DCP2: variants seen among roughly 807,000 people sequenced by gnomAD.
The protein encoded by DCP2 is decapping mRNA 2.
Under a neutral mutation model 56.1 loss-of-function variants are expected in DCP2, and 30 were observed. The ratio of observed to expected loss-of-function variants is 0.53; its 90% CI spans 0.40 to 0.73. The LOEUF is 0.73. Among genes scored for constraint, DCP2 ranks in the 30% least tolerant of loss-of-function variants. The pLI is 0.00. For synonymous variants in DCP2, 197 were observed against 163.3 expected (o/e 1.21, Z -1.57); for missense variants, 533 against 502.7 (o/e 1.06, Z -0.58).
rs1748264291 is a variant in DCP2, at chr5:112,985,957, A to G, written c.176A>G (p.Gln59Arg). The G allele has an allele frequency of 5.1e-6, 8 of 1,579,912 alleles. No individual in the cohort carries two copies. The highest frequency in any genetic ancestry group is 6.9e-6 in the Non-Finnish European group (8 of 1,154,336). Residue 59 changes from glutamine (Q) to arginine (R), a missense_variant, in exon 2 of 11, where the codon CAG becomes CGG. Gln to Arg is a conservative substitution (Grantham distance 43, BLOSUM62 1). Transcript: ENST00000389063. ...ATGCAGAACACACCAGGATTACCTC[A>G]GTGTGGGATAAGAGACTTTGCTAAA... ...FYMQNTPGLP[Q>R]CGIRDFAKAV... is the part of the protein sequence containing the mutation.
chr5:112,983,804 A>G (rs1323525914), intron 1 of DCP2, among the ~76,000 whole-genome samples: 1 of 152,256 alleles, frequency 6.6e-6, no homozygotes, highest in African/African-American at 2.4e-5. Flanking sequence ...GATCTTCTCA[A>G]TATCAAAATT....
At chr5:113,008,119 G>A in intron 9 of DCP2, 77 bp downstream of exon 9, 2 of 1,202,686 alleles carry the variant, frequency 1.7e-6, no homozygotes, top group South Asian at 1.4e-5. Context: ...CAAAGCACAG[G>A]AATGTTACTT....
rs754451997 is a variant in DCP2, at chr5:113,014,461, C to T, written c.*977C>T. 3 of 152,436 alleles carry T rather than the reference C, an allele frequency of 2.0e-5. No homozygotes were observed. Among genetic ancestry groups the T allele is most frequent in the Non-Finnish European group, 4.4e-5 (3 of 68,038 alleles). 9.4% of individuals were successfully genotyped at this position (152,436 alleles called of 1,614,324 possible). Reference sequence around the variant, plus strand: ...ACATGCTTTTATTGACCTGCTAAGCCCCTGGATGATGGAGCGAGAAGGGAA... The same window carrying T: ...ACATGCTTTTATTGACCTGCTAAGCTCCTGGATGATGGAGCGAGAAGGGAA... On this transcript the variant is annotated 3_prime_UTR_variant, in exon 11 of 11. Coordinates refer to ENST00000389063, the MANE Select transcript of DCP2 (RefSeq NM_152624.6).
chr5:112,996,239 C>G (rs376729072), intron 4 of DCP2, among the ~76,000 whole-genome samples: 1 of 152,162 alleles, frequency 6.6e-6, no homozygotes, highest in Non-Finnish European at 1.5e-5. Context: ...AGAAGCTGCA[C>G]GGCTTGACCG....
rs1645339244 is a variant in DCP2, at chr5:113,022,104, T to G, written c.*8620T>G. The G allele has an allele frequency of 6.6e-6, 1 of 152,396 alleles. No individual in the cohort carries two copies. The highest frequency in any genetic ancestry group is 2.1e-4 in the South Asian group (1 of 4,826). 9.4% of individuals were successfully genotyped at this position (152,396 alleles called of 1,614,324 possible). ...TTTAAATAACACAGTTAAGGTACAC[T>G]GTGGAATTAGAAATATTTATTCAGA... On this transcript the variant is annotated 3_prime_UTR_variant, in exon 11 of 11. Transcript: ENST00000389063.
At chr5:113,004,198 G>T in intron 8 of DCP2, 121 bp downstream of exon 8, 2 of 1,119,832 alleles carry the variant, frequency 1.8e-6, no homozygotes, top group Non-Finnish European at 2.5e-6. Flanking sequence ...ATCAAAGCCT[G>T]TATGTTCCTT....
Position 112,992,750 on chromosome 5 carries a change from C to A in DCP2, c.412C>A (p.His138Asn). 2.5e-6 allele frequency: 4 copies of A among 1,584,350 alleles called. No individual in the cohort carries two copies. The highest frequency in any genetic ancestry group is 3.4e-6 in the Non-Finnish European group (4 of 1,172,316). ...KGKVNKEEAP[H>N]DCAAREVFEE... ...AAAAGTAAATAAAGAAGAAGCTCCT[C>A]ATGATTGTGCTGCTAGAGAGGTAAG... The change falls in exon 4 of 11, where the codon CAT becomes AAT. Residue 138 changes from histidine to asparagine, a missense_variant. His to Asn is a moderately conservative substitution (Grantham distance 68). This residue lies in a region of DCP2 where 392 missense variants were observed against 346.6 expected (regional missense o/e 1.13). Coordinates refer to ENST00000389063, the MANE Select transcript of DCP2 (RefSeq NM_152624.6).
chr5:112,977,171 CTG>C (rs1257301749), intron 1 of DCP2, among the ~76,000 whole-genome samples, 185 bp downstream of exon 1: 1 of 152,168 alleles, frequency 6.6e-6, no homozygotes, highest in Non-Finnish European at 1.5e-5. Flanking sequence ...CGCAGCCTCC[CTG>C]TTTCTCAAGG....
In DCP2 at chr5:113,021,522, A is replaced by AT. The variant is rs1210764005; in HGVS notation, c.*8041dup. Among the ~76,000 whole-genome samples the AT allele has an allele frequency of 1.3e-5, 2 of 152,178 alleles. No individual in the cohort carries two copies. The highest frequency in any genetic ancestry group is 4.8e-5 in the African/African-American group (2 of 41,450). ...GGCTTGAGATGTGAATTCATTAGAT[A>AT]TTTAAAATCCAGCAATTCTTAAGTT... On this transcript the variant is annotated 3_prime_UTR_variant, in exon 11 of 11. Transcript: ENST00000389063.
intron 2 of DCP2, among the ~76,000 whole-genome samples, chr5:112,989,254 T>A (rs1748458633): frequency 6.6e-6 from 1 of 152,160 alleles, no homozygotes. Context: ...TCGAAAATCT[T>A]GGGTAGGTTA....
intron 7 of DCP2, among the ~76,000 whole-genome samples, chr5:113,002,682 G>A (rs936653667): frequency 1.3e-5 from 2 of 151,874 alleles, no homozygotes; most frequent in Non-Finnish European, 1.5e-5. Flanking sequence ...ACTAAGCCTG[G>A]CTAATTTTTT....
At chr5:112,978,130 C>T (rs1482631105) in intron 1 of DCP2, among the ~76,000 whole-genome samples, 5 of 152,086 alleles carry the variant, frequency 3.3e-5, no homozygotes, top group Non-Finnish European at 7.4e-5. Context: ...GCACCCGCCA[C>T]CACACCCGGC....
intron 1 of DCP2, among the ~76,000 whole-genome samples, chr5:112,981,580 C>T (rs1468231838): frequency 1.3e-5 from 2 of 152,134 alleles, no homozygotes; most frequent in East Asian, 1.9e-4. Flanking sequence ...ACAGTAGAGG[C>T]AAGTCTTCAG....
At chr5:113,000,739 T>C (rs552638873) in intron 4 of DCP2, among the ~76,000 whole-genome samples, 69 of 152,316 alleles carry the variant, frequency 4.5e-4, no homozygotes, top group African/African-American at 1.7e-3. Flanking sequence ...TGTATATAAA[T>C]GTTAAGATTT....
chr5:113,012,823 T>C (rs1467751065), intron 10 of DCP2, among the ~76,000 whole-genome samples: 1 of 151,888 alleles, frequency 6.6e-6, no homozygotes, highest in South Asian at 2.1e-4. Context: ...TTTGTATTTT[T>C]AGTAGAGATG....
At chr5:113,012,226 G>T (rs896037991) in intron 10 of DCP2, among the ~76,000 whole-genome samples, 12 of 152,130 alleles carry the variant, frequency 7.9e-5, no homozygotes, top group African/African-American at 2.9e-4. Flanking sequence ...CAGCTGTGGT[G>T]GCACATACCT....
In DCP2 at chr5:113,021,601, G is replaced by C. The variant is rs1020057184; in HGVS notation, c.*8117G>C. On this transcript the variant is annotated 3_prime_UTR_variant, in exon 11 of 11. Transcript: ENST00000389063. ...ATACTTAACTTTGGATCTCAAGGGG[G>C]AAAGAAATACATTCTTTTCCATTAG... Among the ~76,000 whole-genome samples the C allele has an allele frequency of 6.6e-6, 1 of 152,116 alleles. No individual in the cohort carries two copies. The highest frequency in any genetic ancestry group is 6.6e-5 in the Admixed American group (1 of 15,256).
At chr5:112,981,368 G>T (rs1747995759) in intron 1 of DCP2, among the ~76,000 whole-genome samples, 1 of 151,932 alleles carries the variant, frequency 6.6e-6, no homozygotes. Context: ...AGTATTTCTT[G>T]AGTCTCTGAT....
intron 2 of DCP2, among the ~76,000 whole-genome samples, chr5:112,990,545 T>C (rs1237207200): frequency 2.0e-5 from 3 of 151,986 alleles, no homozygotes; most frequent in African/African-American, 7.3e-5. Context: ...AGCTTTCATC[T>C]TTTTTTTCCC....
Sources: allele counts gnomAD v4.1 joint callset (sites outside exome capture counted in the v4.1 genomes callset), GRCh38; gene constraint gnomAD v4.1.1; regional missense constraint gnomAD v4.1.1; transcripts MANE v1.5; gene names NCBI Gene and HGNC (gene_info 2026-07-23, HGNC 2026-07-21).